The following ZNF521 variants were observed in gnomAD, a reference collection of about 807,000 sequenced individuals.
The protein encoded by ZNF521 is LYST-interacting protein 3.
ZNF521 carries 14 observed loss-of-function variants against 105.5 expected under a neutral mutation model. The ratio of observed to expected loss-of-function variants is 0.13; its 90% CI spans 0.09 to 0.21. The LOEUF is 0.21. ZNF521 is among the 10% of genes least tolerant of loss of function. ZNF521 has a pLI of 1.00. For synonymous variants in ZNF521, 635 were observed against 606.0 expected (o/e 1.05, Z -0.70); for missense variants, 1,233 against 1,629.7 (o/e 0.76, Z 4.19).
intron 2 of ZNF521, among the ~76,000 whole-genome samples, chr18:25,336,284 C>T (rs1334818737): frequency 6.6e-6 from 1 of 152,076 alleles, no homozygotes; most frequent in Non-Finnish European, 1.5e-5. Flanking sequence ...TGCAGAAAAT[C>T]ATCCCCTCGT....
chr18:25,230,017 A>G (rs1263998053), intron 3 of ZNF521, among the ~76,000 whole-genome samples: 2 of 152,250 alleles, frequency 1.3e-5, no homozygotes, highest in Non-Finnish European at 2.9e-5. Flanking sequence ...TCTGTGGTCC[A>G]TGCCTGACTA....
At chr18:25,086,779 A>G (rs2033632681) in intron 7 of ZNF521, among the ~76,000 whole-genome samples, 1 of 152,150 alleles carries the variant, frequency 6.6e-6, no homozygotes, top group African/African-American at 2.4e-5. Flanking sequence ...TTTGGCCCAG[A>G]TCACAATTTG....
chr18:25,115,909 G>T (rs1456799144), intron 5 of ZNF521, among the ~76,000 whole-genome samples: 1 of 152,158 alleles, frequency 6.6e-6, no homozygotes, highest in African/African-American at 2.4e-5. Context: ...TTCTCCGCCA[G>T]GAAAACCTCA....
At chr18:25,155,516 C>T (rs1376626098) in intron 5 of ZNF521, among the ~76,000 whole-genome samples, 2 of 152,148 alleles carry the variant, frequency 1.3e-5, no homozygotes, top group Non-Finnish European at 2.9e-5. Flanking sequence ...AAGAGCTTCT[C>T]TCCAATGTTT....
At chr18:25,268,518 G>C (rs544968258) in intron 3 of ZNF521, among the ~76,000 whole-genome samples, 1 of 152,282 alleles carries the variant, frequency 6.6e-6, no homozygotes, top group South Asian at 2.1e-4. Context: ...AAATGTTAAG[G>C]GCAGCCAGAG....
chr18:25,112,032 C>T (rs1437463982), intron 5 of ZNF521, among the ~76,000 whole-genome samples: 1 of 152,180 alleles, frequency 6.6e-6, no homozygotes, highest in African/African-American at 2.4e-5. Flanking sequence ...GACTGCTTCT[C>T]TGGAAACCAA....
intron 5 of ZNF521, 25 bp from the exon 6 acceptor site, chr18:25,092,106 A>ACT: frequency 6.2e-7 from 1 of 1,613,030 alleles, no homozygotes; most frequent in Non-Finnish European, 8.5e-7. Context: ...ACATGAAGAG[A>ACT]AATGATGAAA....
chr18:25,314,171 C>A (rs1355064829), intron 3 of ZNF521, among the ~76,000 whole-genome samples: 1 of 151,846 alleles, frequency 6.6e-6, no homozygotes, highest in Non-Finnish European at 1.5e-5. Context: ...TTTATTTCAA[C>A]TAATGGTTTG....
chr18:25,286,619 G>A (rs1044518356), intron 3 of ZNF521, among the ~76,000 whole-genome samples: 1 of 152,158 alleles, frequency 6.6e-6, no homozygotes, highest in African/African-American at 2.4e-5. Flanking sequence ...ACATCTCATA[G>A]ACTATATATC....
chr18:25,165,713 T>G (rs1354407984), intron 5 of ZNF521, among the ~76,000 whole-genome samples: 1 of 152,240 alleles, frequency 6.6e-6, no homozygotes, highest in Non-Finnish European at 1.5e-5. Context: ...AACACTGTAC[T>G]AAGGAATGTC....
At chr18:25,129,105 T>C (rs984315554) in intron 5 of ZNF521, among the ~76,000 whole-genome samples, 8 of 151,742 alleles carry the variant, frequency 5.3e-5, no homozygotes, top group African/African-American at 1.9e-4. Flanking sequence ...GACAGACAAA[T>C]GAATCAATGA....
At chr18:25,160,463 G>T (rs2035230336) in intron 5 of ZNF521, among the ~76,000 whole-genome samples, 1 of 152,148 alleles carries the variant, frequency 6.6e-6, no homozygotes, top group South Asian at 2.1e-4. Flanking sequence ...CAAGAGCTAA[G>T]ACTCACTCAT....
chr18:25,282,753 C>G (rs1158031294), intron 3 of ZNF521, among the ~76,000 whole-genome samples: 1 of 151,908 alleles, frequency 6.6e-6, no homozygotes, highest in Non-Finnish European at 1.5e-5. Flanking sequence ...AATCCTACTG[C>G]TTTTTTTTCC....
chr18:25,110,650 T>C (rs2034168716), intron 5 of ZNF521, among the ~76,000 whole-genome samples: 1 of 151,776 alleles, frequency 6.6e-6, no homozygotes, highest in Admixed American at 6.6e-5. Context: ...ACAGGCTTCT[T>C]GCCCAGCTAT....
chr18:25,282,213 C>T (rs1370633907), intron 3 of ZNF521, among the ~76,000 whole-genome samples: 1 of 152,162 alleles, frequency 6.6e-6, no homozygotes, highest in East Asian at 1.9e-4. Flanking sequence ...ACTGGTATTT[C>T]TTCCAAAACA....
At chr18:25,309,422 A>G (rs1010571814) in intron 3 of ZNF521, among the ~76,000 whole-genome samples, 2 of 152,232 alleles carry the variant, frequency 1.3e-5, no homozygotes, top group Admixed American at 1.3e-4. Context: ...TGGAAAAGGA[A>G]GAAAAGCAAA....
At chr18:25,298,677 A>G (rs915368411) in intron 3 of ZNF521, among the ~76,000 whole-genome samples, 1 of 152,160 alleles carries the variant, frequency 6.6e-6, no homozygotes, top group Non-Finnish European at 1.5e-5. Context: ...CAATCTAGGG[A>G]TTACATTGGC....
At chr18:25,265,579 T>A (rs1295220598) in intron 3 of ZNF521, among the ~76,000 whole-genome samples, 1 of 152,178 alleles carries the variant, frequency 6.6e-6, no homozygotes, top group African/African-American at 2.4e-5. Context: ...TCAATACGAC[T>A]GTTCTCCAGC....
At position 25,264,471 on chromosome 18, in the gene ZNF521, G is replaced by A. The variant is rs529908336; in HGVS notation, c.221-36774C>T. 8.5e-5 allele frequency among the ~76,000 whole-genome samples: 13 copies of A among 152,064 alleles called. No individual in the cohort carries two copies. In the East Asian group the frequency reaches 2.5e-3, roughly 29 times the overall value. On this transcript the variant is annotated intron_variant, in intron 3 of 7. Coordinates refer to ENST00000361524, the MANE Select transcript of ZNF521 (RefSeq NM_015461.3). ...ACTGAAATTATTTTCACTGGGATCA[G>A]CTCATTTTTATTAAAATTATATGAT... is the stretch of plus-strand genomic sequence containing the variant.
Sources: gnomAD v4.1 joint callset for allele counts (sites outside exome capture counted in the v4.1 genomes callset) on GRCh38, gnomAD v4.1.1 for gene constraint, MANE v1.5 for transcripts, NCBI Gene and HGNC (gene_info 2026-07-23, HGNC 2026-07-21) for gene names.